Variants in GGT7 observed in about 807,000 individuals in gnomAD.
GGT7 encodes the protein gamma-glutamyltransferase 7.
GGT7 carries 30 observed loss-of-function variants against 69.2 expected under a neutral mutation model. The ratio of observed to expected loss-of-function variants is 0.43; its 90% CI spans 0.32 to 0.59. The LOEUF (loss-of-function observed/expected upper bound fraction) is 0.59, where lower values mean the gene tolerates loss of function less well. GGT7 is among the 20% of genes least tolerant of loss of function. GGT7 has a pLI of 0.05. For synonymous variants in GGT7, 388 were observed against 391.8 expected (o/e 0.99, Z 0.12); for missense variants, 733 against 901.1 (o/e 0.81, Z 2.39).
intron 13 of GGT7, 151 bp downstream of exon 13, chr20:34,851,080 A>G: frequency 3.3e-6 from 3 of 917,786 alleles, no homozygotes; most frequent in Non-Finnish European, 5.2e-6. Flanking sequence ...GCCCATGTCC[A>G]CATTGCCCAG....
chr20:34,872,750 C>T lies in GGT7; in HGVS notation c.66G>A (p.Met22Ile). Reference sequence around the variant, plus strand: ...GCAGCCGCGGGAAGCTGGTGATGCTCATGTAGTCCACTGGCGAGTAGGCGC... The same window carrying T: ...GCAGCCGCGGGAAGCTGGTGATGCTTATGTAGTCCACTGGCGAGTAGGCGC... The part of the protein sequence containing the change: ...ALGAYSPVDY[M>I]SITSFPRLPE... Residue 22 changes from methionine (M) to isoleucine (I), a missense_variant, in exon 1 of 15, where the codon ATG becomes ATA. Transcript: ENST00000336431. The T allele has an allele frequency of 6.7e-7, 1 of 1,495,646 alleles. No homozygotes were observed. Among genetic ancestry groups the T allele is most frequent in the Non-Finnish European group, 8.9e-7 (1 of 1,124,876 alleles). 92.6% of individuals were successfully genotyped at this position (1,495,646 alleles called of 1,614,324 possible).
At chr20:34,854,646 AG>A in intron 9 of GGT7, 27 bp from the exon 10 acceptor site, 1 of 1,579,394 alleles carries the variant, frequency 6.3e-7, no homozygotes, top group Non-Finnish European at 8.7e-7. Flanking sequence ...GATATGGAAG[AG>A]GCTGCCAGGC....
At chr20:34,856,722 A>G in intron 8 of GGT7, 84 bp downstream of exon 8, 1 of 764,424 alleles carries the variant, frequency 1.3e-6, no homozygotes, top group Non-Finnish European at 2.3e-6. Flanking sequence ...TGAAATGGAG[A>G]GGAGTCTCTA....
At chr20:34,860,193 G>A in intron 5 of GGT7, 61 bp downstream of exon 5, 2 of 1,283,604 alleles carry the variant, frequency 1.6e-6, no homozygotes, top group Admixed American at 1.7e-5. Flanking sequence ...GGAAGTAGGA[G>A]AAGGCCACCC....
intron 1 of GGT7, among the ~76,000 whole-genome samples, chr20:34,868,690 C>T (rs1220593914): frequency 2.0e-5 from 3 of 152,184 alleles, no homozygotes; most frequent in Non-Finnish European, 4.4e-5. Context: ...TGTGCAGTAA[C>T]AGGCAATGTG....
In GGT7 at chr20:34,863,267, C is replaced by T. The variant is rs368499505; in HGVS notation, c.405+46G>A. The T allele has an allele frequency of 1.5e-6, 2 of 1,348,754 alleles. No individual in the cohort carries two copies. Among genetic ancestry groups the T allele is most frequent in the South Asian group, 1.3e-5 (1 of 78,684 alleles). 83.5% of individuals were successfully genotyped at this position (1,348,754 alleles called of 1,614,324 possible). ...CCACAGTTCCTCAAACATTACCCCA[C>T]TCCCCACTCCCCAGTTTCCTCCCCC... On this transcript the variant is annotated intron_variant, in intron 2 of 14. Coordinates refer to ENST00000336431, the MANE Select transcript of GGT7 (RefSeq NM_178026.3). This position sits in a 1 kb window ranked among gnomAD's most constrained non-coding sequence, Gnocchi z 4.4.
chr20:34,851,064 A>G, intron 13 of GGT7, 167 bp downstream of exon 13: 1 of 774,192 alleles, frequency 1.3e-6, no homozygotes, highest in South Asian at 1.6e-5. Flanking sequence ...TAAGAAACTC[A>G]GCGCAGCCCA....
intron 14 of GGT7, among the ~76,000 whole-genome samples, chr20:34,849,358 G>A (rs1050472527): frequency 1.3e-5 from 2 of 149,036 alleles, no homozygotes; most frequent in Non-Finnish European, 3.0e-5. Flanking sequence ...AGACGGGGGG[G>A]TGGAGGGGGG....
In GGT7 at chr20:34,863,044, C is replaced by G. The variant is rs2079625255; in HGVS notation, c.406-79G>C. ...GGGCACCTCCACTAGCCCTAGAACT[C>G]TACGCGGCATGAAGGTCGAAGCCCT... On this transcript the variant is annotated intron_variant, in intron 2 of 14. Coordinates refer to ENST00000336431, the MANE Select transcript of GGT7 (RefSeq NM_178026.3). The surrounding 1 kb of genome is among the most constrained non-coding windows in gnomAD (Gnocchi z 4.4). The G allele has an allele frequency of 1.4e-6, 2 of 1,400,680 alleles. No individual in the cohort carries two copies. The highest frequency in any genetic ancestry group is 1.4e-5 in the African/African-American group (1 of 70,234). 86.8% of individuals were successfully genotyped at this position (1,400,680 alleles called of 1,614,324 possible).
Position 34,863,839 on chromosome 20 carries a change from C to G in GGT7, c.170-291G>C. The G allele has an allele frequency of 1.6e-6, 1 of 623,658 alleles. No homozygotes were observed. The highest frequency in any genetic ancestry group is 3.0e-6 in the Non-Finnish European group (1 of 328,510). The allele number at this position is 623,658 out of a possible 1,614,324, so 38.6% of individuals were successfully genotyped here. ...GGCACCCAGGGCCCAGGGCTGAGAACACTTCCTGGGGGGTGGGGTGGGGGT... is the reference window on the plus strand; with the variant it reads ...GGCACCCAGGGCCCAGGGCTGAGAAGACTTCCTGGGGGGTGGGGTGGGGGT... On this transcript the variant is annotated intron_variant, in intron 1 of 14. Coordinates refer to ENST00000336431, the MANE Select transcript of GGT7 (RefSeq NM_178026.3). The surrounding 1 kb of genome is among the most constrained non-coding windows in gnomAD (Gnocchi z 4.4).
chr20:34,864,725 G>GAAA (rs368541649), intron 1 of GGT7, among the ~76,000 whole-genome samples: 1 of 119,206 alleles, frequency 8.4e-6, no homozygotes, highest in Non-Finnish European at 1.8e-5. Flanking sequence ...TGTCTCAAAA[G>GAAA]AAAAAAAAAA....
At chr20:34,851,995 G>A (rs1232788368) in intron 12 of GGT7, among the ~76,000 whole-genome samples, 160 bp downstream of exon 12, 1 of 152,278 alleles carries the variant, frequency 6.6e-6, no homozygotes, top group Non-Finnish European at 1.5e-5. Context: ...CAGGCTCCAT[G>A]TCCCAGACTT....
At chr20:34,859,040 C>T (rs574731366) in intron 7 of GGT7, among the ~76,000 whole-genome samples, 40 of 152,188 alleles carry the variant, frequency 2.6e-4, no homozygotes, top group African/African-American at 8.7e-4. Flanking sequence ...TGTGGTGGTG[C>T]ACACCTGTAA....
At chr20:34,859,336 TAGAA>T (rs1259056287) in intron 7 of GGT7, 103 bp downstream of exon 7, 10 of 753,386 alleles carry the variant, frequency 1.3e-5, no homozygotes, top group Middle Eastern at 3.1e-4. Context: ...GTAAATAATA[TAGAA>T]AGAAAGGGAG....
intron 10 of GGT7, among the ~76,000 whole-genome samples, chr20:34,854,084 G>A (rs1343435493): frequency 6.6e-6 from 1 of 152,050 alleles, no homozygotes; most frequent in East Asian, 1.9e-4. Flanking sequence ...CTACAGGCAC[G>A]CGCCACCACG....
In GGT7 at chr20:34,856,797, A is replaced by G. The variant is rs768099626; in HGVS notation, c.1102+9T>C. The G allele has an allele frequency of 1.3e-5, 21 of 1,556,916 alleles. No homozygotes were observed. The highest frequency in any genetic ancestry group is 1.7e-5 in the Non-Finnish European group (19 of 1,130,024). ...GAGGGGGGACCCTGGGAGCCGGGGG[A>G]GAGGTCACCTCTGTACACGCCACAC... On this transcript the variant is annotated intron_variant, in intron 8 of 14. Coordinates refer to ENST00000336431, the MANE Select transcript of GGT7 (RefSeq NM_178026.3).
At chr20:34,870,803 TC>T (rs1279880069) in intron 1 of GGT7, among the ~76,000 whole-genome samples, 1 of 151,182 alleles carries the variant, frequency 6.6e-6, no homozygotes, top group Non-Finnish European at 1.5e-5. Flanking sequence ...GTTTTTTGTT[TC>T]TTTTTGAGAC....
chr20:34,846,558 C>A (rs1338269353), intron 14 of GGT7, among the ~76,000 whole-genome samples: 1 of 152,010 alleles, frequency 6.6e-6, no homozygotes, highest in Non-Finnish European at 1.5e-5. Flanking sequence ...GATCTGCCCA[C>A]CTCAGCCTCC....
chr20:34,862,808 C>T lies in GGT7; in HGVS notation c.557+6G>A, dbSNP rs2079620450. 1 of 1,613,804 alleles carries T rather than the reference C, an allele frequency of 6.2e-7. No individual in the cohort carries two copies. The highest frequency in any genetic ancestry group is 1.3e-5 in the African/African-American group (1 of 74,868). On this transcript the variant is annotated splice_donor_region_variant and intron_variant, in intron 3 of 14. Transcript: ENST00000336431. ...CTGGGGGACCCCGACCTCCACTGCTCCTTACCCGCCCAGGCCAGAACTGTG... is the reference window on the plus strand; with the variant it reads ...CTGGGGGACCCCGACCTCCACTGCTTCTTACCCGCCCAGGCCAGAACTGTG...
Sources: allele counts gnomAD v4.1 joint callset (sites outside exome capture counted in the v4.1 genomes callset), GRCh38; gene constraint gnomAD v4.1.1; non-coding constraint Gnocchi (gnomAD v3.1); transcripts MANE v1.5; gene names NCBI Gene and HGNC (gene_info 2026-07-23, HGNC 2026-07-21).